FAAH2: variants seen among roughly 807,000 people sequenced by gnomAD.
The protein encoded by FAAH2 is fatty-acid amide hydrolase 2.
A neutral mutation model predicts 36.9 loss-of-function variants in FAAH2; 60 were observed. The ratio of observed to expected loss-of-function variants is 1.63; its 90% CI spans 1.32 to 2.02. The LOEUF (loss-of-function observed/expected upper bound fraction) is 2.02. Among genes scored for constraint, FAAH2 ranks in the 30% most tolerant of loss-of-function variants. The pLI is 0.00. For synonymous variants in FAAH2, 214 were observed against 143.8 expected (o/e 1.49, Z -3.49); for missense variants, 689 against 397.5 (o/e 1.73, Z -6.23).
intron 7 of FAAH2, among the ~76,000 whole-genome samples, chrX:57,413,751 T>C: frequency 8.9e-6 from 1 of 112,022 alleles, no homozygotes; most frequent in Non-Finnish European, 1.9e-5. Context: ...GTGAATAAAG[T>C]CAATGGTAGC....
chrX:57,438,419 G>A lies in FAAH2; in HGVS notation c.1116+6382G>A, dbSNP rs754695909. Among the ~76,000 whole-genome samples the A allele has an allele frequency of 1.1e-3, 116 of 105,917 alleles. No homozygotes were observed. The South Asian group carries it at 0.013, about 12-fold the overall frequency. The allele number at this position is 105,917 out of a possible 115,157, so 92.0% of individuals were successfully genotyped here. A position where few individuals can be genotyped will look rare whatever the true frequency, so the allele number is the denominator to read the frequency against. ...TATATCAGTAAAACTACAAAATGCTGATGAAAGAAAAAGTAGATGACACAA... is the reference window on the plus strand; with the variant it reads ...TATATCAGTAAAACTACAAAATGCTAATGAAAGAAAAAGTAGATGACACAA... On this transcript the variant is annotated intron_variant, in intron 8 of 10. Coordinates refer to ENST00000374900, the MANE Select transcript of FAAH2 (RefSeq NM_174912.4).
intron 5 of FAAH2, among the ~76,000 whole-genome samples, chrX:57,371,643 G>A (rs1303980957): frequency 4.8e-5 from 5 of 103,403 alleles, no homozygotes; most frequent in Non-Finnish European, 4.0e-5. Context: ...TTTTTGGGGG[G>A]GGGGTTACTT....
the FAAH2 span, among the ~76,000 whole-genome samples, chrX:57,263,345 A>C: frequency 1.3e-4 from 14 of 111,868 alleles, no homozygotes; most frequent in South Asian, 3.7e-4. Flanking sequence ...AATACCACTT[A>C]GAGTCACTCA....
the FAAH2 span, among the ~76,000 whole-genome samples, chrX:57,169,721 A>G: frequency 2.0e-5 from 2 of 101,952 alleles, no homozygotes; most frequent in Non-Finnish European, 4.0e-5. Flanking sequence ...GATTTTACCT[A>G]TTGACTGTTT....
At chrX:57,177,744 G>T in the FAAH2 span, among the ~76,000 whole-genome samples, 1 of 104,913 alleles carries the variant, frequency 9.5e-6, no homozygotes, top group Admixed American at 1.1e-4. Flanking sequence ...GAAGGGAAAA[G>T]AAGTCTACTT....
At chrX:57,421,022 A>G (rs2056008103) in intron 7 of FAAH2, among the ~76,000 whole-genome samples, 1 of 112,346 alleles carries the variant, frequency 8.9e-6, no homozygotes, top group Admixed American at 9.4e-5. Context: ...TGTTCACAGT[A>G]ATCAACCTGC....
the FAAH2 span, among the ~76,000 whole-genome samples, chrX:57,149,769 C>T: frequency 9.0e-6 from 1 of 111,084 alleles, no homozygotes; most frequent in Non-Finnish European, 1.9e-5. Flanking sequence ...TTCAGTTCTG[C>T]TCTGATTTTA....
At chrX:57,260,266 G>T in the FAAH2 span, among the ~76,000 whole-genome samples, 2 of 111,588 alleles carry the variant, frequency 1.8e-5, no homozygotes, top group Non-Finnish European at 3.8e-5. Flanking sequence ...ATAGAGTTCA[G>T]AAATAGACCC....
At chrX:57,227,914 A>C in the FAAH2 span, among the ~76,000 whole-genome samples, 1 of 111,317 alleles carries the variant, frequency 9.0e-6, no homozygotes, top group African/African-American at 3.3e-5. Context: ...ACAGGTTGTC[A>C]GGGAAGTGGG....
intron 5 of FAAH2, among the ~76,000 whole-genome samples, chrX:57,360,857 T>C (rs1340371905): frequency 9.0e-6 from 1 of 110,504 alleles, no homozygotes; most frequent in African/African-American, 3.3e-5. Flanking sequence ...CCCCGGTGTG[T>C]GTTGTTCCCC....
At chrX:57,235,128 G>A in the FAAH2 span, among the ~76,000 whole-genome samples, 1 of 110,863 alleles carries the variant, frequency 9.0e-6, no homozygotes, top group African/African-American at 3.3e-5. Flanking sequence ...GTATGATCAG[G>A]AACAAGGTAC....
At chrX:57,450,194 T>A (rs1000219998) in intron 10 of FAAH2, among the ~76,000 whole-genome samples, 2 of 110,190 alleles carry the variant, frequency 1.8e-5, no homozygotes, top group African/African-American at 6.6e-5. Flanking sequence ...TTAAAGAGTG[T>A]TCCTTGTAAG....
intron 2 of FAAH2, among the ~76,000 whole-genome samples, chrX:57,301,040 G>A (rs2052345261): frequency 9.1e-6 from 1 of 110,418 alleles, no homozygotes; most frequent in East Asian, 2.9e-4. Flanking sequence ...CAACCCTTGT[G>A]GAAGTCAGTG....
chrX:57,290,304 C>T (rs2051938782), intron 1 of FAAH2: 1 of 748,298 alleles, frequency 1.3e-6, no homozygotes, highest in South Asian at 6.8e-5. Flanking sequence ...TGACCAGGTA[C>T]TAGACATCAG....
chrX:57,160,367 G>A, the FAAH2 span, among the ~76,000 whole-genome samples: 1 of 111,768 alleles, frequency 8.9e-6, no homozygotes, highest in African/African-American at 3.3e-5. Context: ...AATGAGTTAG[G>A]GAGGATTGCC....
the FAAH2 span, among the ~76,000 whole-genome samples, chrX:57,159,299 C>A: frequency 8.9e-6 from 1 of 111,843 alleles, no homozygotes; most frequent in African/African-American, 3.3e-5. Flanking sequence ...GTTCTTTTGG[C>A]TTAGGATTGA....
chrX:57,460,027 C>A (rs1389518043), intron 10 of FAAH2, among the ~76,000 whole-genome samples: 1 of 111,209 alleles, frequency 9.0e-6, no homozygotes, highest in Non-Finnish European at 1.9e-5. Context: ...GGCTTCAGAA[C>A]GTGGGTGATA....
the FAAH2 span, among the ~76,000 whole-genome samples, chrX:57,228,266 G>C: frequency 9.0e-6 from 1 of 111,213 alleles, no homozygotes; most frequent in Non-Finnish European, 1.9e-5. Flanking sequence ...GATCCCTGTG[G>C]TGCCAGGCAG....
intron 7 of FAAH2, among the ~76,000 whole-genome samples, chrX:57,421,620 T>C (rs189562073): frequency 9.0e-6 from 1 of 111,319 alleles, no homozygotes; most frequent in African/African-American, 3.3e-5. Flanking sequence ...TATTAAAGCC[T>C]CACTCTTATG....
Sources: allele counts gnomAD v4.1 joint callset (sites outside exome capture counted in the v4.1 genomes callset), GRCh38; gene constraint gnomAD v4.1.1; transcripts MANE v1.5; gene names NCBI Gene and HGNC (gene_info 2026-07-23, HGNC 2026-07-21).